The following GPR107 variants were observed in gnomAD, a reference collection of about 807,000 sequenced individuals.
The protein encoded by GPR107 is protein GPR107.
A neutral mutation model predicts 75.5 loss-of-function variants in GPR107; 31 were observed. That is an observed-to-expected ratio of 0.41 (90% confidence interval 0.31 to 0.55). The LOEUF (loss-of-function observed/expected upper bound fraction) is 0.55, where lower values mean the gene tolerates loss of function less well. Among genes scored for constraint, GPR107 ranks in the 20% least tolerant of loss-of-function variants. The probability of loss-of-function intolerance (pLI) is 0.26; values close to 1 mark genes in which losing one functional copy is unlikely to be tolerated. For missense variants in GPR107, 572 were observed against 665.7 expected, an observed-to-expected ratio of 0.86 and a Z score of 1.55; for synonymous variants, 267 against 251.3, an observed-to-expected ratio of 1.06 and a Z score of -0.59.
Position 130,065,493 on chromosome 9 carries a change from C to T in GPR107, c.142-10143C>T, listed in dbSNP as rs142282190. ...TTAAGTGATGTTTGTAGGCCTGGTG[C>T]GGTGGCTCATGCCTGTAATCCCAGC... On this transcript the variant is annotated intron_variant, in intron 1 of 17. Coordinates refer to ENST00000347136, the MANE Select transcript of GPR107 (RefSeq NM_020960.5). Among the ~76,000 whole-genome samples the T allele has an allele frequency of 1.0e-3, 159 of 151,646 alleles. 1 individual carries two copies. Among genetic ancestry groups the T allele is most frequent in the African/African-American group, 3.2e-3 (133 of 41,358 alleles).
At chr9:130,059,494 AAAAT>A (rs1241222301) in intron 1 of GPR107, among the ~76,000 whole-genome samples, 8 of 152,178 alleles carry the variant, frequency 5.3e-5, no homozygotes, top group Non-Finnish European at 8.8e-5. Context: ...ATCTCAAAAA[AAAAT>A]AAATAAATAA....
intron 17 of GPR107, chr9:130,132,899 G>A (rs1831863310): frequency 6.6e-6 from 1 of 151,868 alleles, no homozygotes. Flanking sequence ...CCTGGGAAAT[G>A]TCCTGGGTTT....
chr9:130,093,217 T>C (rs1830783223), intron 9 of GPR107, among the ~76,000 whole-genome samples: 1 of 151,658 alleles, frequency 6.6e-6, no homozygotes, highest in Admixed American at 6.6e-5. Context: ...GCCTTTTTTT[T>C]CTGAAACCCC....
chr9:130,129,873 G>A (rs1364756798), intron 17 of GPR107: 1 of 152,286 alleles, frequency 6.6e-6, no homozygotes, highest in African/African-American at 2.4e-5. Flanking sequence ...CGAGCGGCCG[G>A]GTCGCAGCAT....
intron 17 of GPR107, among the ~76,000 whole-genome samples, chr9:130,133,968 C>T (rs1202130699): frequency 6.6e-6 from 1 of 152,136 alleles, no homozygotes; most frequent in Non-Finnish European, 1.5e-5. Context: ...GTCACATATA[C>T]GGCCACTGTG....
intron 17 of GPR107, 37 bp from the exon 18 acceptor site, chr9:130,134,988 T>G: frequency 2.5e-3 from 2,896 of 1,147,596 alleles, no homozygotes; most frequent in Non-Finnish European, 3.5e-3. Flanking sequence ...TAAGAGACTG[T>G]GAGATGTTCC....
At chr9:130,077,124 G>A (rs1351123411) in intron 3 of GPR107, among the ~76,000 whole-genome samples, 175 bp from the exon 4 acceptor site, 4 of 152,030 alleles carry the variant, frequency 2.6e-5, no homozygotes, top group Non-Finnish European at 5.9e-5. Context: ...CTGACCTCAC[G>A]ATCCACCCAC....
At chr9:130,133,390 T>C (rs1367709628) in intron 17 of GPR107, among the ~76,000 whole-genome samples, 1 of 152,238 alleles carries the variant, frequency 6.6e-6, no homozygotes, top group African/African-American at 2.4e-5. Flanking sequence ...TTTAACAAGA[T>C]GCAGTAACCA....
intron 3 of GPR107, 108 bp from the exon 4 acceptor site, chr9:130,077,191 C>A (rs1430792452): frequency 1.4e-6 from 1 of 716,728 alleles, no homozygotes; most frequent in Non-Finnish European, 2.5e-6. Flanking sequence ...CACCGGTTTA[C>A]TATTTTGAAT....
chr9:130,084,354 C>T (rs1027210612), intron 6 of GPR107, among the ~76,000 whole-genome samples: 3 of 150,366 alleles, frequency 2.0e-5, no homozygotes, highest in Non-Finnish European at 3.0e-5. Flanking sequence ...GCCAAGATCG[C>T]GCTACTGCAC....
intron 17 of GPR107, chr9:130,129,584 C>T (rs3739863): frequency 0.65 from 99,040 of 152,458 alleles, 32,209 homozygotes; most frequent in East Asian, 0.82. Flanking sequence ...GAAGGCAGGT[C>T]CTGCCAGCGG....
chr9:130,122,640 G>A (rs553337353), intron 14 of GPR107, among the ~76,000 whole-genome samples: 1 of 152,110 alleles, frequency 6.6e-6, no homozygotes, highest in East Asian at 1.9e-4. Flanking sequence ...CAGCTGCCCC[G>A]GGGGCAGAGG....
At chr9:130,106,692 GT>G (rs1273150311) in intron 13 of GPR107, among the ~76,000 whole-genome samples, 2 of 152,134 alleles carry the variant, frequency 1.3e-5, no homozygotes, top group Admixed American at 6.5e-5. Context: ...CAGTGTACTG[GT>G]TAGCTTTCGT....
chr9:130,120,629 C>G (rs1040333192), intron 14 of GPR107, among the ~76,000 whole-genome samples: 1 of 152,214 alleles, frequency 6.6e-6, no homozygotes, highest in Non-Finnish European at 1.5e-5. Flanking sequence ...ACTGCCCCAT[C>G]CACTCCTCGA....
At chr9:130,085,680 T>G (rs1426377386) in intron 6 of GPR107, among the ~76,000 whole-genome samples, 2 of 151,980 alleles carry the variant, frequency 1.3e-5, no homozygotes, top group African/African-American at 4.8e-5. Flanking sequence ...ATAATTACTT[T>G]GAGTTCATCC....
intron 14 of GPR107, among the ~76,000 whole-genome samples, chr9:130,109,461 A>C (rs1330484980): frequency 6.6e-6 from 1 of 150,590 alleles, no homozygotes; most frequent in Non-Finnish European, 1.5e-5. Context: ...GTGAACCACC[A>C]CGCCCAGCCT....
intron 1 of GPR107, among the ~76,000 whole-genome samples, chr9:130,056,309 A>G (rs1377275888): frequency 1.4e-5 from 2 of 144,100 alleles, no homozygotes; most frequent in Non-Finnish European, 3.0e-5. Flanking sequence ...AAAATTAGCC[A>G]GGCGTGGTGG....
chr9:130,070,487 A>G (rs1830178423), intron 1 of GPR107, among the ~76,000 whole-genome samples: 1 of 151,976 alleles, frequency 6.6e-6, no homozygotes, highest in Non-Finnish European at 1.5e-5. Flanking sequence ...TATTTTTTGT[A>G]GAGATGAGGT....
chr9:130,079,564 C>A, intron 4 of GPR107, 66 bp from the exon 5 acceptor site: 3 of 1,375,280 alleles, frequency 2.2e-6, no homozygotes, highest in Non-Finnish European at 2.0e-6. Flanking sequence ...AGGGCCTACA[C>A]GCAGCGTGCT....
Sources: allele counts gnomAD v4.1 joint callset (sites outside exome capture counted in the v4.1 genomes callset), GRCh38; gene constraint gnomAD v4.1.1; transcripts MANE v1.5; gene names NCBI Gene and HGNC (gene_info 2026-07-23, HGNC 2026-07-21).